The following NBR1 variants were observed in gnomAD, a reference collection of about 807,000 sequenced individuals.
The protein encoded by NBR1 is NBR1 autophagy cargo receptor.
Under a neutral mutation model 115.5 loss-of-function variants are expected in NBR1, and 59 were observed. The ratio of observed to expected loss-of-function variants is 0.51; its 90% CI spans 0.41 to 0.63. The LOEUF (loss-of-function observed/expected upper bound fraction) is 0.63. NBR1 is among the 30% of genes least tolerant of loss of function. The pLI is 0.00. For synonymous variants in NBR1, 373 were observed against 414.7 expected, an observed-to-expected ratio of 0.90 and a Z score of 1.22; for missense variants, 1,043 against 1,150.5, an observed-to-expected ratio of 0.91 and a Z score of 1.35.
At chr17:43,172,394 T>A (rs1236418372) in intron 1 of NBR1, among the ~76,000 whole-genome samples, 5 of 152,224 alleles carry the variant, frequency 3.3e-5, no homozygotes, top group Non-Finnish European at 7.3e-5. Flanking sequence ...TATCTAAATT[T>A]CCAATTGTGT....
intron 6 of NBR1, among the ~76,000 whole-genome samples, chr17:43,188,807 T>C (rs566415207): frequency 6.6e-6 from 1 of 152,292 alleles, no homozygotes; most frequent in South Asian, 2.1e-4. Context: ...TATCAGAGAT[T>C]TGGGAATTAG....
intron 20 of NBR1, among the ~76,000 whole-genome samples, chr17:43,207,856 ATCC>A (rs2057346258): frequency 1.3e-5 from 2 of 152,234 alleles, no homozygotes; most frequent in Non-Finnish European, 2.9e-5. Context: ...AGCCAACGGT[ATCC>A]ATCCAGATCA....
upstream of NBR1, chr17:43,170,647 AACT>A (rs2056329057): frequency 6.6e-6 from 1 of 152,588 alleles, no homozygotes; most frequent in African/African-American, 2.4e-5. Flanking sequence ...GGAGGGAAAG[AACT>A]ACTATTTCCA....
chr17:43,184,303 T>C (rs2056746966), intron 5 of NBR1, among the ~76,000 whole-genome samples: 1 of 147,500 alleles, frequency 6.8e-6, no homozygotes, highest in Non-Finnish European at 1.5e-5. Context: ...GCCCAAGTTA[T>C]CTGCCTCAGC....
At chr17:43,176,874 C>G (rs542102021) in intron 2 of NBR1, among the ~76,000 whole-genome samples, 5 of 152,128 alleles carry the variant, frequency 3.3e-5, no homozygotes, top group Non-Finnish European at 7.3e-5. Context: ...TTCTCCCCCC[C>G]CTCATCTGTT....
chr17:43,202,456 C>T (rs891143260), intron 18 of NBR1, among the ~76,000 whole-genome samples, 199 bp from the exon 19 acceptor site: 2 of 151,476 alleles, frequency 1.3e-5, no homozygotes, highest in African/African-American at 4.9e-5. Flanking sequence ...AAACAATCAT[C>T]TTGCATTGCA....
chr17:43,188,224 G>A (rs1172957716), intron 6 of NBR1, among the ~76,000 whole-genome samples: 1 of 152,140 alleles, frequency 6.6e-6, no homozygotes. Context: ...GTGATGATGA[G>A]CTTTTTTTCA....
In NBR1 at chr17:43,184,052, C is replaced by T. The variant is rs368007303; in HGVS notation, c.208-2198C>T. 1.3e-4 allele frequency among the ~76,000 whole-genome samples: 20 copies of T among 151,190 alleles called. No homozygotes were observed. The South Asian group carries it at 1.7e-3, about 13-fold the overall frequency. On this transcript the variant is annotated intron_variant, in intron 5 of 20. Coordinates refer to ENST00000590996, the MANE Select transcript of NBR1 (RefSeq NM_005899.5). ...ATCACTTCGATATATTTTTTTGAGA[C>T]GGGATCTCACTGTCACCCAGGCTGG...
chr17:43,190,148 G>A (rs1318721924), intron 8 of NBR1: 2 of 313,678 alleles, frequency 6.4e-6, no homozygotes, highest in Non-Finnish European at 1.2e-5. Context: ...GGAGTGCAGG[G>A]TGCAATCATG....
intron 4 of NBR1, among the ~76,000 whole-genome samples, chr17:43,180,192 G>T (rs901642833): frequency 1.3e-5 from 2 of 152,160 alleles, no homozygotes; most frequent in Admixed American, 6.5e-5. Flanking sequence ...ACAGAGATTT[G>T]TACTGAGAAA....
rs576175754 is a variant in NBR1 at position 43,182,023 on chromosome 17, T to C, written c.207+1206T>C. 1.4e-4 allele frequency among the ~76,000 whole-genome samples: 21 copies of C among 145,678 alleles called. No individual in the cohort carries two copies. In the East Asian group the frequency reaches 2.0e-3, roughly 14 times the overall value. ...ACCCAAAAAACTCTTGATGCCCCCCTTTTTTTTTTCCTAAAGAGGCTGGGT... is the reference window on the plus strand; with the variant it reads ...ACCCAAAAAACTCTTGATGCCCCCCCTTTTTTTTTCCTAAAGAGGCTGGGT... On this transcript the variant is annotated intron_variant, in intron 5 of 20. Coordinates refer to ENST00000590996, the MANE Select transcript of NBR1 (RefSeq NM_005899.5).
intron 3 of NBR1, 56 bp downstream of exon 3, chr17:43,178,054 C>T: frequency 6.5e-7 from 1 of 1,532,332 alleles, no homozygotes. Flanking sequence ...TCTTATTTCT[C>T]CAGTGATATG....
At chr17:43,186,665 C>T (rs2056810001) in intron 6 of NBR1, among the ~76,000 whole-genome samples, 2 of 152,056 alleles carry the variant, frequency 1.3e-5, no homozygotes, top group African/African-American at 2.4e-5. Context: ...GCTATCCCTC[C>T]CCTATCACCC....
chr17:43,170,962 C>G (rs1279442213), upstream of NBR1: 1 of 152,296 alleles, frequency 6.6e-6, no homozygotes, highest in Non-Finnish European at 1.5e-5. Context: ...CCTGCGGGGA[C>G]GCAGTGGGCG....
chr17:43,196,503 T>G lies in NBR1; in HGVS notation c.1773T>G (p.Pro591=), dbSNP rs2057071267. 1.3e-6 allele frequency: 2 copies of G among 1,591,470 alleles called. No individual in the cohort carries two copies. The highest frequency in any genetic ancestry group is 2.7e-5 in the African/African-American group (2 of 73,838). ...TPVDVTPCMS[P]LPHDSPLIEK... is the part of the protein sequence containing the mutation. Reference sequence around the variant, plus strand: ...CAGATGTGACTCCCTGCATGTCTCCTCTGCCACATGACAGTCCTTTAATAG... The same window carrying G: ...CAGATGTGACTCCCTGCATGTCTCCGCTGCCACATGACAGTCCTTTAATAG... Residue 591 remains proline, a synonymous_variant, in exon 15 of 21, where the codon CCT becomes CCG. Coordinates refer to ENST00000590996, the MANE Select transcript of NBR1 (RefSeq NM_005899.5).
In NBR1 at chr17:43,193,447, G is replaced by T. The variant is rs2056996235; in HGVS notation, c.1333G>T (p.Glu445Ter). 1 of 1,613,842 alleles carries T rather than the reference G, an allele frequency of 6.2e-7. No homozygotes were observed. Among genetic ancestry groups the T allele is most frequent in the African/African-American group, 1.3e-5 (1 of 74,914 alleles). ...CGGCCATGTGGGAGTTGTATCTGTGGAGTTCATTGCCCCAGCCTTGGAGGG... is the reference window on the plus strand; with the variant it reads ...CGGCCATGTGGGAGTTGTATCTGTGTAGTTCATTGCCCCAGCCTTGGAGGG... ...KAGHVGVVSVEFIAPALEGTY... is the reference protein window; with the variant it reads ...KAGHVGVVSV The change falls in exon 12 of 21, where the codon GAG (glutamate) becomes TAG (stop). Residue 445 changes from glutamate to a stop codon, truncating the protein, a stop_gained. Transcript: ENST00000590996. LOFTEE classifies it high-confidence loss of function.
At chr17:43,176,415 C>A in intron 2 of NBR1, 1 of 152,410 alleles carries the variant, frequency 6.6e-6, no homozygotes, top group Admixed American at 6.5e-5. Flanking sequence ...AAGGCTTTTC[C>A]TCCTCTTGGT....
chr17:43,184,940 T>G (rs1567850797), intron 5 of NBR1, among the ~76,000 whole-genome samples: 1 of 151,730 alleles, frequency 6.6e-6, no homozygotes, highest in Non-Finnish European at 1.5e-5. Context: ...AATACAAAAA[T>G]TAGCTGGGTG....
chr17:43,210,232 G>A lies in NBR1; in HGVS notation c.*158G>A. On this transcript the variant is annotated 3_prime_UTR_variant, in exon 21 of 21. Coordinates refer to ENST00000590996, the MANE Select transcript of NBR1 (RefSeq NM_005899.5). ...GACAATACCTGCTACAGTATTTTGG[G>A]GAGCAAACTAAAGACCAGAACTTAA... 1.8e-6 allele frequency: 1 copy of A among 568,662 alleles called. No individual in the cohort carries two copies. The highest frequency in any genetic ancestry group is 2.7e-6 in the Non-Finnish European group (1 of 370,796). The allele number at this position is 568,662 out of a possible 1,614,324, so 35.2% of individuals were successfully genotyped here.
Sources: allele counts gnomAD v4.1 joint callset (sites outside exome capture counted in the v4.1 genomes callset), GRCh38; gene constraint gnomAD v4.1.1; transcripts MANE v1.5; gene names NCBI Gene and HGNC (gene_info 2026-07-23, HGNC 2026-07-21).